Variants in TENM2 observed in about 807,000 individuals in gnomAD.
TENM2 encodes the protein teneurin-2.
In TENM2, 52 loss-of-function variants were observed where a neutral mutation model predicts 245.2. That is an observed-to-expected ratio of 0.21 (90% CI 0.17 to 0.27). The LOEUF (loss-of-function observed/expected upper bound fraction) is 0.27, where lower values mean the gene tolerates loss of function less well. TENM2 is among the 10% of genes least tolerant of loss of function. TENM2 has a pLI of 1.00. For synonymous variants in TENM2, 1,363 were observed against 1,438.9 expected (o/e 0.95, Z 1.19); for missense variants, 3,046 against 3,666.8 (o/e 0.83, Z 4.37).
intron 1 of TENM2, among the ~76,000 whole-genome samples, chr5:167,345,454 G>C (rs1205302750): frequency 6.6e-6 from 1 of 152,224 alleles, no homozygotes; most frequent in Non-Finnish European, 1.5e-5. Context: ...AACAGACAGA[G>C]ATGACAGAAA....
chr5:167,952,294 A>G (rs1780173545), intron 3 of TENM2: 1 of 505,340 alleles, frequency 2.0e-6, no homozygotes, highest in African/African-American at 1.9e-5. Flanking sequence ...CTTTCATTGC[A>G]GTATTAATAT....
intron 12 of TENM2, among the ~76,000 whole-genome samples, chr5:168,144,245 A>G (rs1278576905): frequency 6.6e-6 from 1 of 151,806 alleles, no homozygotes; most frequent in Non-Finnish European, 1.5e-5. Flanking sequence ...TTAGTTACAT[A>G]TGTATACATG....
At chr5:167,237,540 G>T in the TENM2 span, among the ~76,000 whole-genome samples, 1 of 152,122 alleles carries the variant, frequency 6.6e-6, no homozygotes, top group Admixed American at 6.5e-5. Context: ...AAACAATGAT[G>T]TTTAATGAAC....
intron 3 of TENM2, among the ~76,000 whole-genome samples, chr5:167,885,624 C>T (rs1319668790): frequency 6.6e-6 from 1 of 152,194 alleles, no homozygotes; most frequent in Non-Finnish European, 1.5e-5. Context: ...ACCAAAGTCA[C>T]TGTCCAAAAA....
chr5:167,276,778 T>C, the TENM2 span, among the ~76,000 whole-genome samples: 16,562 of 152,132 alleles, frequency 0.11, 1,080 homozygotes, highest in East Asian at 0.26. Flanking sequence ...TTATACTGTA[T>C]TGATTTTTAT....
At chr5:167,610,962 G>A (rs1777440520) in intron 2 of TENM2, among the ~76,000 whole-genome samples, 1 of 152,138 alleles carries the variant, frequency 6.6e-6, no homozygotes, top group South Asian at 2.1e-4. Context: ...TCTGTGTCCA[G>A]CACTAGACTA....
chr5:168,187,602 T>A (rs563902615), intron 13 of TENM2: 1 of 152,344 alleles, frequency 6.6e-6, no homozygotes, highest in East Asian at 1.9e-4. Flanking sequence ...GGTTATTTTT[T>A]AAATCTGAAA....
intron 1 of TENM2, chr5:167,296,135 A>C (rs1462982487): frequency 6.6e-6 from 1 of 152,246 alleles, no homozygotes; most frequent in Non-Finnish European, 1.5e-5. Context: ...GCTCTGATGC[A>C]TTCTCACTCA....
intron 27 of TENM2, among the ~76,000 whole-genome samples, chr5:168,255,525 C>T (rs1220658964): frequency 1.3e-5 from 2 of 152,058 alleles, no homozygotes; most frequent in African/African-American, 2.4e-5. Context: ...AAGCTGGTCT[C>T]GAACTCCTGA....
chr5:167,806,091 G>C (rs1420713075), intron 2 of TENM2, among the ~76,000 whole-genome samples: 1 of 152,144 alleles, frequency 6.6e-6, no homozygotes, highest in Non-Finnish European at 1.5e-5. Flanking sequence ...GCCACCGGAT[G>C]CCACGGTAGG....
intron 2 of TENM2, among the ~76,000 whole-genome samples, chr5:167,381,792 A>G (rs1386972812): frequency 6.6e-6 from 1 of 152,150 alleles, no homozygotes; most frequent in African/African-American, 2.4e-5. Flanking sequence ...GAACTCAGCA[A>G]TTTTATGGGT....
intron 23 of TENM2, among the ~76,000 whole-genome samples, chr5:168,220,623 G>T (rs1763587327): frequency 6.6e-6 from 1 of 152,138 alleles, no homozygotes; most frequent in Non-Finnish European, 1.5e-5. Flanking sequence ...CTGAAAAGAT[G>T]GTGAGTTCTT....
chr5:167,931,145 A>T (rs2151704995), intron 3 of TENM2, among the ~76,000 whole-genome samples: 1 of 152,358 alleles, frequency 6.6e-6, no homozygotes, highest in African/African-American at 2.4e-5. Context: ...GATTGTCAAC[A>T]GCAAGAGGAA....
intron 5 of TENM2, among the ~76,000 whole-genome samples, chr5:168,030,168 T>TTTTTTTTTTTTTTTTTTTTTC (rs1562071982): frequency 5.9e-5 from 5 of 84,700 alleles, no homozygotes; most frequent in Non-Finnish European, 1.0e-4. Flanking sequence ...CTTTTTTTTT[T>TTTTTTTTTTTTTTTTTTTTTC]TTTTTTTTTT....
chr5:167,913,168 A>G (rs1425030037), intron 3 of TENM2, among the ~76,000 whole-genome samples: 3 of 152,210 alleles, frequency 2.0e-5, no homozygotes, highest in Non-Finnish European at 4.4e-5. Flanking sequence ...TGGTTGGTGG[A>G]CCATTTTAAC....
At chr5:167,053,584 A>T in the TENM2 span, among the ~76,000 whole-genome samples, 6 of 152,112 alleles carry the variant, frequency 3.9e-5, no homozygotes, top group Non-Finnish European at 5.9e-5. Context: ...AAAATCTTCT[A>T]CTTGGGCTGG....
intron 3 of TENM2, among the ~76,000 whole-genome samples, chr5:167,950,520 G>A (rs1051996664): frequency 6.6e-6 from 1 of 152,188 alleles, no homozygotes; most frequent in East Asian, 1.9e-4. Context: ...GGGAGGGCAG[G>A]TTCTCACTTG....
At chr5:168,006,152 C>G (rs898880884) in intron 5 of TENM2, among the ~76,000 whole-genome samples, 2 of 152,278 alleles carry the variant, frequency 1.3e-5, no homozygotes, top group African/African-American at 4.8e-5. Context: ...ACAGTTTTAG[C>G]CCATCTGTTC....
chr5:168,106,639 G>A (rs893115573), intron 9 of TENM2, among the ~76,000 whole-genome samples: 4 of 152,304 alleles, frequency 2.6e-5, no homozygotes, highest in East Asian at 1.9e-4. Context: ...AGGCATAAAG[G>A]AATTTTGTCT....
Sources: gnomAD v4.1 joint callset for allele counts (sites outside exome capture counted in the v4.1 genomes callset) on GRCh38, gnomAD v4.1.1 for gene constraint, MANE v1.5 for transcripts, NCBI Gene and HGNC (gene_info 2026-07-23, HGNC 2026-07-21) for gene names.